AVEN: variants seen among roughly 807,000 people sequenced by gnomAD.
AVEN encodes apoptosis and caspase activation inhibitor.
In AVEN, 41 loss-of-function variants were observed where a neutral mutation model predicts 38.1. The ratio of observed to expected loss-of-function variants is 1.08; its 90% CI spans 0.84 to 1.40. The LOEUF is 1.40. Ranked by LOEUF, AVEN falls within the 40% of genes most tolerant of loss-of-function variation. AVEN has a pLI of 0.00. For missense variants in AVEN, 605 were observed against 438.8 expected, an observed-to-expected ratio of 1.38 and a Z score of -3.38; for synonymous variants, 206 against 171.8, an observed-to-expected ratio of 1.20 and a Z score of -1.56.
At chr15:34,069,057 C>T (rs867208327) in intron 2 of AVEN, among the ~76,000 whole-genome samples, 12 of 151,934 alleles carry the variant, frequency 7.9e-5, no homozygotes, top group African/African-American at 2.6e-4. Context: ...ATGATCCACC[C>T]GCCTCGGCCT....
chr15:33,978,019 A>C lies in AVEN; in HGVS notation c.445+25013T>G, dbSNP rs532527672. 5.8e-5 allele frequency among the ~76,000 whole-genome samples: 4 copies of C among 68,690 alleles called. No individual in the cohort carries two copies. The Middle Eastern group carries it at 0.024, about 409-fold the overall frequency. 45.1% of individuals were successfully genotyped at this position (68,690 alleles called of 152,430 possible). On this transcript the variant is annotated intron_variant, in intron 2 of 5. Transcript: ENST00000306730. The stretch of plus-strand genomic sequence containing the variant: ...AAGGAAGAGAGGAAGGGAGGGAGGG[A>C]GGGAGGGATGGAAGGATGGAGGAGG...
chr15:33,992,557 TTTGTG>T (rs2140576002), intron 2 of AVEN, among the ~76,000 whole-genome samples: 1 of 152,348 alleles, frequency 6.6e-6, no homozygotes, highest in Non-Finnish European at 1.5e-5. Context: ...TATAGTTCTG[TTTGTG>T]TTATTTCAGA....
chr15:34,001,327 T>G (rs1029803258), intron 2 of AVEN, among the ~76,000 whole-genome samples: 2 of 152,192 alleles, frequency 1.3e-5, no homozygotes, highest in Non-Finnish European at 2.9e-5. Flanking sequence ...CAGCCTGGAC[T>G]AGAATTTTTA....
intron 1 of AVEN, among the ~76,000 whole-genome samples, chr15:34,071,283 T>A (rs1002810138): frequency 6.6e-6 from 1 of 152,134 alleles, no homozygotes; most frequent in Non-Finnish European, 1.5e-5. Flanking sequence ...TTGCTGCTTA[T>A]TTTTCATTTT....
Position 33,944,655 on chromosome 15 carries a change from A to G in AVEN, c.445+58377T>C, listed in dbSNP as rs140736293. 5.9e-3 allele frequency among the ~76,000 whole-genome samples: 901 copies of G among 152,182 alleles called. 7 individuals carry two copies. The highest frequency in any genetic ancestry group is 0.014 in the Middle Eastern group (4 of 294). On this transcript the variant is annotated intron_variant, in intron 2 of 5. Transcript: ENST00000306730. The stretch of plus-strand genomic sequence containing the variant: ...AAACCCCGTCTCTATTAAAAATACA[A>G]AAAATTAGCCGGGCGTGGTGGCCGG...
chr15:33,938,182 G>A (rs1468075026), intron 2 of AVEN, among the ~76,000 whole-genome samples: 6 of 152,186 alleles, frequency 3.9e-5, no homozygotes, highest in African/African-American at 1.2e-4. Context: ...CTGGCCAGTC[G>A]CGGTGGCTCA....
chr15:33,868,959 G>A (rs1265031198), intron 4 of AVEN, among the ~76,000 whole-genome samples: 4 of 152,160 alleles, frequency 2.6e-5, no homozygotes, highest in Non-Finnish European at 5.9e-5. Context: ...GAGAATCACC[G>A]CTCTCGAGGG....
intron 11 of AVEN, chr15:33,861,031 C>A: frequency 7.5e-7 from 1 of 1,332,824 alleles, no homozygotes; most frequent in Non-Finnish European, 1.1e-6. Flanking sequence ...TTCTCTCCTG[C>A]CTATATTATG....
chr15:34,001,746 G>C (rs1215431257), intron 2 of AVEN, among the ~76,000 whole-genome samples: 2 of 152,098 alleles, frequency 1.3e-5, no homozygotes, highest in Admixed American at 6.5e-5. Flanking sequence ...ACAATTTTAT[G>C]ATCTACTTCT....
intron 4 of AVEN, chr15:34,064,532 A>G: frequency 1.7e-6 from 1 of 603,648 alleles, no homozygotes; most frequent in South Asian, 2.2e-5. Flanking sequence ...GACCAAGGCC[A>G]TTTGATGCCA....
intron 2 of AVEN, among the ~76,000 whole-genome samples, chr15:33,894,479 G>C (rs8027738): frequency 0.019 from 2,762 of 142,910 alleles, 60 homozygotes; most frequent in African/African-American, 0.063. Flanking sequence ...TAAAGTAGAA[G>C]AACACAGGCA....
At chr15:33,932,697 C>T (rs510097) in intron 2 of AVEN, among the ~76,000 whole-genome samples, 89,183 of 151,764 alleles carry the variant, frequency 0.59, 28,300 homozygotes, top group East Asian at 0.75. Context: ...TGGTGGCCGG[C>T]GCCTGTAATC....
At chr15:33,872,561 C>T (rs969858767) in intron 3 of AVEN, among the ~76,000 whole-genome samples, 3 of 151,930 alleles carry the variant, frequency 2.0e-5, no homozygotes, top group Admixed American at 6.6e-5. Flanking sequence ...TGGGGGGAGC[C>T]GGGAATCTGT....
intron 1 of AVEN, among the ~76,000 whole-genome samples, chr15:34,015,356 A>G (rs542603776): frequency 1.4e-3 from 217 of 152,008 alleles, no homozygotes; most frequent in Non-Finnish European, 2.3e-3. Flanking sequence ...GGTGGCGGGC[A>G]CCTGTAGTCC....
chr15:33,881,773 A>G (rs1045520247), intron 2 of AVEN, among the ~76,000 whole-genome samples: 1 of 152,218 alleles, frequency 6.6e-6, no homozygotes, highest in Non-Finnish European at 1.5e-5. Flanking sequence ...TAAGTAAGAT[A>G]GCAAGGGGTA....
rs58379586 is a variant in AVEN, at chr15:34,024,688, T to TA, written c.267+14091dup. ...CAACATGGTGAAACCCCGTCTCTACTAAAAAAAAAAAAAAATACAAAAATT... is the reference window on the plus strand; with the variant it reads ...CAACATGGTGAAACCCCGTCTCTACTAAAAAAAAAAAAAAAATACAAAAATT... On this transcript the variant is annotated intron_variant, in intron 1 of 5. Coordinates refer to ENST00000306730, the MANE Select transcript of AVEN (RefSeq NM_020371.3). Among the ~76,000 whole-genome samples the TA allele has an allele frequency of 8.5e-3, 1,124 of 131,984 alleles. 15 individuals carry two copies. Among genetic ancestry groups the TA allele is most frequent in the African/African-American group, 0.026 (913 of 35,722 alleles). The allele number at this position is 131,984 out of a possible 152,430, so 86.6% of individuals were successfully genotyped here.
chr15:33,890,897 C>T (rs1891917845), intron 2 of AVEN, among the ~76,000 whole-genome samples: 1 of 152,064 alleles, frequency 6.6e-6, no homozygotes, highest in Non-Finnish European at 1.5e-5. Context: ...CATGAGAGCC[C>T]TGAAATTTGA....
chr15:33,988,447 C>T (rs778359240), intron 2 of AVEN, among the ~76,000 whole-genome samples: 3 of 152,134 alleles, frequency 2.0e-5, no homozygotes, highest in East Asian at 3.9e-4. Context: ...ATGAAACCTA[C>T]CCTATTAAGT....
chr15:33,959,455 G>T (rs1021569780), intron 2 of AVEN, among the ~76,000 whole-genome samples: 2 of 151,966 alleles, frequency 1.3e-5, no homozygotes, highest in African/African-American at 4.8e-5. Flanking sequence ...GCCCCTTAAT[G>T]CCTCTTTAAC....
Sources: allele counts gnomAD v4.1 joint callset (sites outside exome capture counted in the v4.1 genomes callset), GRCh38; gene constraint gnomAD v4.1.1; transcripts MANE v1.5; gene names NCBI Gene and HGNC (gene_info 2026-07-23, HGNC 2026-07-21).